EIF4G3: variants seen among roughly 807,000 people sequenced by gnomAD.
EIF4G3 encodes the protein eIF-4-gamma 3.
Under a neutral mutation model 186.4 loss-of-function variants are expected in EIF4G3, and 34 were observed. The ratio of observed to expected loss-of-function variants is 0.18; its 90% CI spans 0.14 to 0.24. The LOEUF is 0.24. EIF4G3 is among the 10% of genes least tolerant of loss of function. The pLI is 1.00. For missense variants in EIF4G3, 1,536 were observed against 1,948.5 expected, an observed-to-expected ratio of 0.79 and a Z score of 3.99; for synonymous variants, 673 against 679.5, an observed-to-expected ratio of 0.99 and a Z score of 0.15.
At chr1:20,999,549 T>C (rs1031084725) in intron 6 of EIF4G3, among the ~76,000 whole-genome samples, 4 of 152,186 alleles carry the variant, frequency 2.6e-5, no homozygotes, top group African/African-American at 9.6e-5. Context: ...AAATAAAAGC[T>C]AAAACTTTGT....
At chr1:21,078,467 G>A (rs1251908845) in intron 3 of EIF4G3, among the ~76,000 whole-genome samples, 1 of 152,158 alleles carries the variant, frequency 6.6e-6, no homozygotes, top group African/African-American at 2.4e-5. Context: ...AGGGTGGTGA[G>A]ACATATGAAG....
intron 14 of EIF4G3, among the ~76,000 whole-genome samples, chr1:20,924,713 T>C (rs1404170430): frequency 6.6e-6 from 1 of 152,152 alleles, no homozygotes; most frequent in Non-Finnish European, 1.5e-5. Context: ...CTACGTGCAC[T>C]ACCACACCTG....
At chr1:21,135,838 A>T (rs2097230753) in intron 2 of EIF4G3, among the ~76,000 whole-genome samples, 1 of 152,238 alleles carries the variant, frequency 6.6e-6, no homozygotes, top group South Asian at 2.1e-4. Context: ...TCTAATAATA[A>T]GTATAGCATC....
At chr1:21,115,947 C>T (rs1296871256) in intron 2 of EIF4G3, among the ~76,000 whole-genome samples, 1 of 152,006 alleles carries the variant, frequency 6.6e-6, no homozygotes, top group Non-Finnish European at 1.5e-5. Flanking sequence ...TGGTCTAGAA[C>T]TCCTGGCCTT....
At chr1:20,838,866 G>A (rs2067560917) in intron 30 of EIF4G3, among the ~76,000 whole-genome samples, 1 of 152,080 alleles carries the variant, frequency 6.6e-6, no homozygotes, top group South Asian at 2.1e-4. Flanking sequence ...TAGTATAGAT[G>A]GAGTTTCACC....
intron 2 of EIF4G3, among the ~76,000 whole-genome samples, chr1:21,094,101 T>TAA (rs201017147): frequency 2.7e-5 from 4 of 149,558 alleles, no homozygotes; most frequent in African/African-American, 7.4e-5. Flanking sequence ...TAAAGTATAA[T>TAA]AAAAAAAATT....
intron 12 of EIF4G3, among the ~76,000 whole-genome samples, chr1:20,966,303 T>TCTGGA (rs2074640036): frequency 6.6e-6 from 1 of 152,236 alleles, no homozygotes; most frequent in Admixed American, 6.5e-5. Flanking sequence ...TCTGTATTTA[T>TCTGGA]CTGGATTGAT....
chr1:21,176,160 A>T lies in EIF4G3; in HGVS notation c.-272+15T>A. ...GACGAGAACCGAAGGGCCGACAGGA[A>T]GGTGAAAAGGATACTGTTGGGGCGC... On this transcript the variant is annotated intron_variant, in intron 2 of 36. Transcript: ENST00000602326. 1 of 387,186 alleles carries T rather than the reference A, an allele frequency of 2.6e-6. No homozygotes were observed. The highest frequency in any genetic ancestry group is 4.6e-6 in the Non-Finnish European group (1 of 219,048). 24.0% of individuals were successfully genotyped at this position (387,186 alleles called of 1,614,324 possible).
chr1:20,975,509 G>A (rs1220300636), intron 10 of EIF4G3, among the ~76,000 whole-genome samples: 1 of 151,392 alleles, frequency 6.6e-6, no homozygotes, highest in Non-Finnish European at 1.5e-5. Context: ...CAATATAGTG[G>A]GATTAAATGC....
intron 36 of EIF4G3, 49 bp from the exon 37 acceptor site, chr1:20,807,549 G>A (rs1394428655): frequency 7.0e-7 from 1 of 1,421,672 alleles, no homozygotes; most frequent in Non-Finnish European, 9.4e-7. Flanking sequence ...CTGTAGTTAT[G>A]AGGAAAAGAA....
chr1:21,082,388 C>T (rs895479970), intron 3 of EIF4G3, among the ~76,000 whole-genome samples: 1 of 151,572 alleles, frequency 6.6e-6, no homozygotes, highest in African/African-American at 2.4e-5. Flanking sequence ...AGTTCAAGAC[C>T]AGCAAGGCCA....
At chr1:20,919,420 G>T (rs1290997574) in intron 14 of EIF4G3, among the ~76,000 whole-genome samples, 3 of 152,084 alleles carry the variant, frequency 2.0e-5, no homozygotes, top group Non-Finnish European at 2.9e-5. Flanking sequence ...GTTCAGGCTG[G>T]TCTTGAACTA....
intron 2 of EIF4G3, among the ~76,000 whole-genome samples, chr1:21,092,386 G>A (rs1382054437): frequency 6.6e-6 from 1 of 151,964 alleles, no homozygotes; most frequent in Admixed American, 6.6e-5. Context: ...TGCTGGATTC[G>A]GTTTGCCAGT....
At chr1:21,133,733 A>C (rs2097193509) in intron 2 of EIF4G3, among the ~76,000 whole-genome samples, 1 of 152,230 alleles carries the variant, frequency 6.6e-6, no homozygotes, top group Non-Finnish European at 1.5e-5. Context: ...CAACTGTTTA[A>C]ATTCAAAGGC....
At position 20,941,894 on chromosome 1, in the gene EIF4G3, T is replaced by C; in HGVS notation, c.1260A>G (p.Glu420=). 6.2e-7 allele frequency: 1 copy of C among 1,614,224 alleles called. No individual in the cohort carries two copies. Among genetic ancestry groups the C allele is most frequent in the Non-Finnish European group, 8.5e-7 (1 of 1,180,032 alleles). ...NLINEINGVS[E]KLSATESIVE... is the part of the protein sequence containing the mutation. ...CAATGCTCTCCGTGGCTGATAATTT[T>C]TCGCTAACTCCATTTATTTCATTAA... The change falls in exon 14 of 37, where the codon GAA becomes GAG. Residue 420 remains glutamate (E), a synonymous_variant. Transcript: ENST00000602326.
chr1:21,017,115 A>G (rs1292565446), intron 4 of EIF4G3, among the ~76,000 whole-genome samples: 1 of 152,204 alleles, frequency 6.6e-6, no homozygotes, highest in Non-Finnish European at 1.5e-5. Context: ...ATACATACAA[A>G]AAAATATTAT....
At chr1:21,017,734 G>C (rs1043217325) in intron 4 of EIF4G3, among the ~76,000 whole-genome samples, 3 of 149,016 alleles carry the variant, frequency 2.0e-5, no homozygotes, top group African/African-American at 7.5e-5. Flanking sequence ...AATTTAAAAA[G>C]CTCATTGGAG....
chr1:21,049,414 A>G (rs1226662387), intron 4 of EIF4G3, among the ~76,000 whole-genome samples: 1 of 152,148 alleles, frequency 6.6e-6, no homozygotes, highest in Non-Finnish European at 1.5e-5. Context: ...CTTAATAGTA[A>G]GTTGAGAGGT....
intron 2 of EIF4G3, among the ~76,000 whole-genome samples, chr1:21,132,694 C>G (rs905326700): frequency 1.3e-5 from 2 of 152,034 alleles, no homozygotes; most frequent in Non-Finnish European, 2.9e-5. Flanking sequence ...CTCATCTCAG[C>G]CTCCCAAAAT....
Sources: gnomAD v4.1 joint callset for allele counts (sites outside exome capture counted in the v4.1 genomes callset) on GRCh38, gnomAD v4.1.1 for gene constraint, MANE v1.5 for transcripts, NCBI Gene and HGNC (gene_info 2026-07-23, HGNC 2026-07-21) for gene names.